ELK4: variants seen among roughly 807,000 people sequenced by gnomAD.
ELK4 encodes the protein ETS transcription factor ELK4.
In ELK4, 16 loss-of-function variants were observed where a neutral mutation model predicts 29.6. The observed-to-expected ratio is 0.54, with a 90% CI of 0.37 to 0.82. The LOEUF (loss-of-function observed/expected upper bound fraction) is 0.82. Ranked by LOEUF, ELK4 falls within the 40% of genes least tolerant of loss-of-function variation. ELK4 has a pLI of 0.00. For missense variants in ELK4, 465 were observed against 507.1 expected (o/e 0.92, Z 0.80); for synonymous variants, 213 against 191.1 (o/e 1.11, Z -0.95).
rs893734039 is a variant in ELK4 at position 205,611,450 on chromosome 1, G to A, written c.*5096C>T. On this transcript the variant is annotated 3_prime_UTR_variant, in exon 5 of 5. Transcript: ENST00000357992. ...CTGATGACATAAGAGGAATAACAGG[G>A]CACTTTGTTTCAGGCAATGCCAGCA... The A allele has an allele frequency of 9.6e-6, 2 of 208,908 alleles. No individual in the cohort carries two copies. Among genetic ancestry groups the A allele is most frequent in the South Asian group, 1.9e-4 (1 of 5,322 alleles). 12.9% of individuals were successfully genotyped at this position (208,908 alleles called of 1,614,324 possible). A position where few individuals can be genotyped will look rare whatever the true frequency, so the allele number is the denominator to read the frequency against.
rs530042838 is a variant in ELK4 at position 205,617,639 on chromosome 1, T to C, written c.1198-995A>G. Among the ~76,000 whole-genome samples, 118 of 151,594 alleles carry C rather than the reference T, an allele frequency of 7.8e-4. 1 individual carries two copies. In the South Asian group the frequency reaches 0.021, roughly 27 times the overall value. On this transcript the variant is annotated intron_variant, in intron 4 of 4. Transcript: ENST00000357992. ...TGCTTGGGCCGCGTGCAGTGGCTCATGCCTGTAATCCCAGCACTTCGGGAG... is the reference window on the plus strand; with the variant it reads ...TGCTTGGGCCGCGTGCAGTGGCTCACGCCTGTAATCCCAGCACTTCGGGAG...
At position 205,620,740 on chromosome 1, in the gene ELK4, C is replaced by T; in HGVS notation, c.306G>A (p.Glu102=). The change falls in exon 3 of 5, where the codon GAG becomes GAA. Residue 102 remains glutamate (E), a synonymous_variant. Transcript: ENST00000357992. ...TGAAGTTTAAACTTTCACAGTCACCCTCAATCCTGCCCACTGTCATTGGAT... is the reference window on the plus strand; with the variant it reads ...TGAAGTTTAAACTTTCACAGTCACCTTCAATCCTGCCCACTGTCATTGGAT... The part of the protein sequence containing the change: ...NMDPMTVGRI[E]GDCESLNFSE... 6.2e-7 allele frequency: 1 copy of T among 1,614,124 alleles called. No individual in the cohort carries two copies. The highest frequency in any genetic ancestry group is 8.5e-7 in the Non-Finnish European group (1 of 1,180,030).
rs928422948 is a variant in ELK4, at chr1:205,624,037, C to G, written c.-9-146G>C. The G allele has an allele frequency of 1.0e-4, 73 of 732,916 alleles. No individual in the cohort carries two copies. In the African/African-American group the frequency reaches 1.2e-3, roughly 12 times the overall value. The allele number at this position is 732,916 out of a possible 1,614,324, so 45.4% of individuals were successfully genotyped here. The stretch of plus-strand genomic sequence containing the variant: ...TAGATACTACTGCATCCTCATTTTA[C>G]GTAAGAAAAAACTGATTCATAAGAG... On this transcript the variant is annotated intron_variant, in intron 1 of 4. Coordinates refer to ENST00000357992, the MANE Select transcript of ELK4 (RefSeq NM_001973.4).
rs988269791 is a variant in ELK4, at chr1:205,620,782, T to C, written c.264A>G (p.Pro88=). The C allele has an allele frequency of 5.6e-6, 9 of 1,613,784 alleles. No individual in the cohort carries two copies. Among genetic ancestry groups the C allele is most frequent in the Non-Finnish European group, 7.6e-6 (9 of 1,180,012 alleles). The change falls in exon 3 of 5, where the codon CCA becomes CCG. Residue 88 remains proline (P), a synonymous_variant. Coordinates refer to ENST00000357992, the MANE Select transcript of ELK4 (RefSeq NM_001973.4). ...TCATTGGATCCATGTTCAAAATCTCTGGATAAGAGACAAACTTGTACACAA... is the reference window on the plus strand; with the variant it reads ...TCATTGGATCCATGTTCAAAATCTCCGGATAAGAGACAAACTTGTACACAA... ...QKFVYKFVSY[P]EILNMDPMTV...
At chr1:205,628,659 G>A (rs1041619843) in intron 1 of ELK4, among the ~76,000 whole-genome samples, 4 of 152,134 alleles carry the variant, frequency 2.6e-5, no homozygotes, top group Admixed American at 6.5e-5. Flanking sequence ...TCTCCATAAT[G>A]AGCACCCAAG....
rs1670153684 is a variant in ELK4 at position 205,611,781 on chromosome 1, G to C, written c.*4765C>G. On this transcript the variant is annotated 3_prime_UTR_variant, in exon 5 of 5. Transcript: ENST00000357992. ...GAGACCTGCATTGGTCTCCAAACTT[G>C]TTTTCATACCTAAGAATGGCACCTA... 1.0e-5 allele frequency: 2 copies of C among 194,334 alleles called. No individual in the cohort carries two copies. The highest frequency in any genetic ancestry group is 2.1e-5 in the Non-Finnish European group (2 of 93,374). The allele number at this position is 194,334 out of a possible 1,614,324, so 12.0% of individuals were successfully genotyped here. A position where few individuals can be genotyped will look rare whatever the true frequency, so the allele number is the denominator to read the frequency against.
At chr1:205,630,513 T>C (rs1670559551) in intron 1 of ELK4, among the ~76,000 whole-genome samples, 1 of 152,168 alleles carries the variant, frequency 6.6e-6, no homozygotes, top group Admixed American at 6.5e-5. Context: ...AAAAACCAAG[T>C]TATGAATGTA....
intron 1 of ELK4, chr1:205,625,500 A>C (rs1156240501): frequency 4.2e-6 from 3 of 722,188 alleles, no homozygotes; most frequent in East Asian, 5.3e-5. Flanking sequence ...TCGTGTACAA[A>C]GAAGAGCATC....
Position 205,615,006 on chromosome 1 carries a change from G to A in ELK4, c.*1540C>T, listed in dbSNP as rs1670209034. The A allele has an allele frequency of 4.9e-6, 1 of 205,806 alleles. No individual in the cohort carries two copies. Among genetic ancestry groups the A allele is most frequent in the African/African-American group, 2.3e-5 (1 of 43,748 alleles). 12.7% of individuals were successfully genotyped at this position (205,806 alleles called of 1,614,324 possible). ...CATATAGTAATATTTTAAAAATTTGGTAATGTAGAGAATAAGGCCTACATT... is the reference window on the plus strand; with the variant it reads ...CATATAGTAATATTTTAAAAATTTGATAATGTAGAGAATAAGGCCTACATT... On this transcript the variant is annotated 3_prime_UTR_variant, in exon 5 of 5. Coordinates refer to ENST00000357992, the MANE Select transcript of ELK4 (RefSeq NM_001973.4).
chr1:205,619,689 AGAGAGTGTGT>A (rs761677572), intron 3 of ELK4: 36 of 1,421,168 alleles, frequency 2.5e-5, no homozygotes, highest in Admixed American at 9.4e-5. Context: ...AGAGAGAGCG[AGAGAGTGTGT>A]GTACTTTCTT....
At chr1:205,620,918 C>T in intron 2 of ELK4, 80 bp from the exon 3 acceptor site, 1 of 1,430,430 alleles carries the variant, frequency 7.0e-7, no homozygotes, top group Non-Finnish European at 9.3e-7. Flanking sequence ...TGGCATCGGC[C>T]AGGCACAGTG....
Position 205,616,839 on chromosome 1 carries a change from T to G in ELK4, c.1198-195A>C, listed in dbSNP as rs560702133. 5.1e-4 allele frequency among the ~76,000 whole-genome samples: 77 copies of G among 152,306 alleles called. 1 individual carries two copies. Among genetic ancestry groups the G allele is most frequent in the African/African-American group, 1.4e-3 (59 of 41,576 alleles). On this transcript the variant is annotated intron_variant, in intron 4 of 4. Coordinates refer to ENST00000357992, the MANE Select transcript of ELK4 (RefSeq NM_001973.4). Reference sequence around the variant, plus strand: ...AACAAAAATCTTTTGTCCTAACATATTAAATATTAACATTCTCCAACTTAC... The same window carrying G: ...AACAAAAATCTTTTGTCCTAACATAGTAAATATTAACATTCTCCAACTTAC...
At position 205,613,304 on chromosome 1, in the gene ELK4, T is replaced by TA. The variant is rs1279343941; in HGVS notation, c.*3241dup. The TA allele has an allele frequency of 1.0e-5, 2 of 191,906 alleles. No homozygotes were observed. Among genetic ancestry groups the TA allele is most frequent in the Non-Finnish European group, 2.2e-5 (2 of 91,924 alleles). 11.9% of individuals were successfully genotyped at this position (191,906 alleles called of 1,614,324 possible). On this transcript the variant is annotated 3_prime_UTR_variant, in exon 5 of 5. Coordinates refer to ENST00000357992, the MANE Select transcript of ELK4 (RefSeq NM_001973.4). ...GGGTAACACACCAAGACTCCATCTCTAAAAAATTAAATTAAAGGATTACTG... is the reference window on the plus strand; with the variant it reads ...GGGTAACACACCAAGACTCCATCTCTAAAAAAATTAAATTAAAGGATTACTG...
At chr1:205,616,903 T>G (rs1177161933) in intron 4 of ELK4, among the ~76,000 whole-genome samples, 3 of 152,230 alleles carry the variant, frequency 2.0e-5, no homozygotes, top group African/African-American at 7.2e-5. Flanking sequence ...TGTACCCTCC[T>G]TCATATCCTA....
At position 205,613,162 on chromosome 1, in the gene ELK4, C is replaced by T. The variant is rs1470204644; in HGVS notation, c.*3384G>A. ...ATATAACATCACAAACGTACTGTGA[C>T]AAACCATTAATAAAGAAGGATTACT... On this transcript the variant is annotated 3_prime_UTR_variant, in exon 5 of 5. Transcript: ENST00000357992. The T allele has an allele frequency of 5.1e-6, 1 of 196,930 alleles. No individual in the cohort carries two copies. Among genetic ancestry groups the T allele is most frequent in the Non-Finnish European group, 1.0e-5 (1 of 95,250 alleles). 12.2% of individuals were successfully genotyped at this position (196,930 alleles called of 1,614,324 possible).
rs150635655 is a variant in ELK4 at position 205,609,818 on chromosome 1, C to T, written c.*6728G>A. On this transcript the variant is annotated 3_prime_UTR_variant, in exon 5 of 5. Coordinates refer to ENST00000357992, the MANE Select transcript of ELK4 (RefSeq NM_001973.4). ...TACAAAGCACAATATTAAAAGCTTGCAAATTATTTTAAAATATCCTAGCCA... is the reference window on the plus strand; with the variant it reads ...TACAAAGCACAATATTAAAAGCTTGTAAATTATTTTAAAATATCCTAGCCA... 746 of 218,932 alleles carry T rather than the reference C, an allele frequency of 3.4e-3. 7 individuals carry two copies. Among genetic ancestry groups the T allele is most frequent in the Admixed American group, 0.011 (199 of 17,306 alleles). The allele number at this position is 218,932 out of a possible 1,614,324, so 13.6% of individuals were successfully genotyped here.
Position 205,612,578 on chromosome 1 carries a change from T to C in ELK4, c.*3968A>G, listed in dbSNP as rs1225242941. The C allele has an allele frequency of 4.7e-6, 1 of 213,254 alleles. No homozygotes were observed. The highest frequency in any genetic ancestry group is 9.5e-6 in the Non-Finnish European group (1 of 105,536). 13.2% of individuals were successfully genotyped at this position (213,254 alleles called of 1,614,324 possible). A position where few individuals can be genotyped will look rare whatever the true frequency, so the allele number is the denominator to read the frequency against. On this transcript the variant is annotated 3_prime_UTR_variant, in exon 5 of 5. Transcript: ENST00000357992. ...TCAAAAAGGCTGGACACTCCTTTTC[T>C]GAACCACTGCTTCAGAGGTATTGAG...
intron 1 of ELK4, among the ~76,000 whole-genome samples, chr1:205,630,184 A>C (rs1670552793): frequency 6.6e-6 from 1 of 152,284 alleles, no homozygotes; most frequent in East Asian, 1.9e-4. Context: ...GTTTAAAGTT[A>C]TAACAAAGGA....
chr1:205,625,285 G>A (rs372656459), intron 1 of ELK4, among the ~76,000 whole-genome samples: 3 of 85,082 alleles, frequency 3.5e-5, no homozygotes, highest in South Asian at 4.8e-4. Flanking sequence ...ATTAAAAAAC[G>A]CCTACGACTA....
Sources: gnomAD v4.1 joint callset for allele counts (sites outside exome capture counted in the v4.1 genomes callset) on GRCh38, gnomAD v4.1.1 for gene constraint, MANE v1.5 for transcripts, NCBI Gene and HGNC (gene_info 2026-07-23, HGNC 2026-07-21) for gene names.